Variants in MUC4 observed in about 807,000 individuals in gnomAD.
MUC4 encodes mucin 4, cell surface associated.
A neutral mutation model predicts 257.9 loss-of-function variants in MUC4; 202 were observed. That is an observed-to-expected ratio of 0.78 (90% CI 0.70 to 0.88). The LOEUF (loss-of-function observed/expected upper bound fraction) is 0.88, where lower values mean the gene tolerates loss of function less well. Among genes scored for constraint, MUC4 ranks in the 40% least tolerant of loss-of-function variants. MUC4 has a pLI of 0.00. For missense variants in MUC4, 5,976 were observed against 6,513.7 expected (o/e 0.92, Z 2.84); for synonymous variants, 2,351 against 2,757.1 (o/e 0.85, Z 4.62).
At position 195,790,388 on chromosome 3, in the gene MUC4, T is replaced by C. The variant is rs1277684243; in HGVS notation, c.1192A>G (p.Thr398Ala). 26 of 1,613,638 alleles carry C rather than the reference T, an allele frequency of 1.6e-5. No individual in the cohort carries two copies. The highest frequency in any genetic ancestry group is 1.2e-4 in the African/African-American group (9 of 74,900). ...LVTSKVFRMP[T>A]SRDSTLGNTE... Reference sequence around the variant, plus strand: ...TTTCCAAGAGTAGAGTCTCTGGAGGTTGGCATTCTGAACACCTTTGATGTT... The same window carrying C: ...TTTCCAAGAGTAGAGTCTCTGGAGGCTGGCATTCTGAACACCTTTGATGTT... The change falls in exon 2 of 25, where the codon ACC becomes GCC. Residue 398 changes from threonine to alanine, a missense_variant. Transcript: ENST00000463781.
intron 3 of MUC4, among the ~76,000 whole-genome samples, chr3:195,775,485 C>T (rs1158886537): frequency 1.9e-4 from 16 of 83,148 alleles, no homozygotes; most frequent in South Asian, 4.2e-4. Context: ...CCTTCCACAC[C>T]CATACCTTCC....
In MUC4 at chr3:195,783,058, G is replaced by T; in HGVS notation, c.8522C>A (p.Ala2841Glu). Residue 2841 changes from alanine to glutamate, a missense_variant, in exon 2 of 25, where the codon GCA becomes GAA. Physicochemically the swap from Ala to Glu is moderately radical, Grantham distance 107 (BLOSUM62 -1). Transcript: ENST00000463781. ...TSLPVTIPSS[A>E]SSGHTTPLPV... ...AAGAGGGGTGGTGTGACCTGAGGATGCTGAGGAAGGGATGGTGACAGGAAG... is the reference window on the plus strand; with the variant it reads ...AAGAGGGGTGGTGTGACCTGAGGATTCTGAGGAAGGGATGGTGACAGGAAG... 6.2e-6 allele frequency: 5 copies of T among 800,588 alleles called. No homozygotes were observed. The highest frequency in any genetic ancestry group is 8.7e-6 in the Non-Finnish European group (5 of 573,638). The allele number at this position is 800,588 out of a possible 1,614,324, so 49.6% of individuals were successfully genotyped here. A position where few individuals can be genotyped will look rare whatever the true frequency, so the allele number is the denominator to read the frequency against.
intron 1 of MUC4, among the ~76,000 whole-genome samples, chr3:195,799,911 C>T (rs768201920): frequency 3.9e-4 from 60 of 152,304 alleles, no homozygotes; most frequent in Non-Finnish European, 4.0e-4. Flanking sequence ...CCCCATATCC[C>T]TAGCCTGTGA....
At position 195,783,847 on chromosome 3, in the gene MUC4, G is replaced by A. The variant is rs80005560; in HGVS notation, c.7733C>T (p.Pro2578Leu). Residue 2578 changes from proline to leucine, a missense_variant, in exon 2 of 25, where the codon CCT (proline) becomes CTT (leucine). Physicochemically the swap from Pro to Leu is moderately conservative, Grantham distance 98 (BLOSUM62 -3). Around this residue, in one of 44 missense-constraint regions of MUC4, gnomAD observed 135 missense variants for 114.7 expected, o/e 1.18. Transcript: ENST00000463781. ...AASTGHATPL[P>L]VTSTSSASTG... ...GGATGCTGAGGAAGTGCTGGTGACAGGAAGAGGGGTGGCGTGACCTGTGGA... is the reference window on the plus strand; with the variant it reads ...GGATGCTGAGGAAGTGCTGGTGACAAGAAGAGGGGTGGCGTGACCTGTGGA... 3.2e-5 allele frequency: 37 copies of A among 1,158,362 alleles called. 2 individuals carry two copies. The highest frequency in any genetic ancestry group is 2.2e-4 in the East Asian group (8 of 36,180). 71.8% of individuals were successfully genotyped at this position (1,158,362 alleles called of 1,614,324 possible).
At chr3:195,803,270 G>A (rs1735577592) in intron 1 of MUC4, among the ~76,000 whole-genome samples, 1 of 152,216 alleles carries the variant, frequency 6.6e-6, no homozygotes, top group Non-Finnish European at 1.5e-5. Flanking sequence ...TGCGGACACA[G>A]GACTCAGCCC....
Position 195,790,283 on chromosome 3 carries a change from T to G in MUC4, c.1297A>C (p.Thr433Pro), listed in dbSNP as rs777709928. Residue 433 changes from threonine (T) to proline (P), a missense_variant, in exon 2 of 25, where the codon ACT (threonine) becomes CCT (proline). By Grantham distance (38) the Thr-to-Pro change is conservative (BLOSUM62 -1). Coordinates refer to ENST00000463781, the MANE Select transcript of MUC4 (RefSeq NM_018406.7). ...CTGGGGGAGAGTGCTGTTGACAGAG[T>G]GTCTGACCACCATATGGTTGAAACT... The part of the protein sequence containing the change: ...SKVSTIWWSD[T>P]LSTALSPSSL... The G allele has an allele frequency of 1.4e-5, 22 of 1,613,824 alleles. No individual in the cohort carries two copies. The African/African-American group carries it at 2.3e-4, about 17-fold the overall frequency.
intron 2 of MUC4, 71 bp from the exon 3 acceptor site, chr3:195,778,526 G>T (rs1725544078): frequency 6.3e-7 from 1 of 1,576,204 alleles, no homozygotes; most frequent in Non-Finnish European, 8.6e-7. Flanking sequence ...GAGATTCAAA[G>T]AAATCAGGAG....
At chr3:195,775,207 C>G (rs994328909) in intron 3 of MUC4, among the ~76,000 whole-genome samples, 2 of 152,102 alleles carry the variant, frequency 1.3e-5, no homozygotes. Flanking sequence ...TTGTTAAATG[C>G]CATTTGTACA....
chr3:195,771,627 G>A, intron 5 of MUC4, 25 bp downstream of exon 5: 1 of 1,603,792 alleles, frequency 6.2e-7, no homozygotes, highest in South Asian at 1.1e-5. Flanking sequence ...GGGGGATCCT[G>A]ACTGCCAGGC....
intron 14 of MUC4, 133 bp downstream of exon 14, chr3:195,761,954 C>G: frequency 8.9e-7 from 1 of 1,128,510 alleles, no homozygotes; most frequent in South Asian, 1.6e-5. Context: ...CCGGCCCGCT[C>G]TGTGCCCCAA....
rs1253574131 is a variant in MUC4, at chr3:195,766,643, T to A, written c.13618+20A>T. 1 of 1,610,890 alleles carries A rather than the reference T, an allele frequency of 6.2e-7. No individual in the cohort carries two copies. The highest frequency in any genetic ancestry group is 8.5e-7 in the Non-Finnish European group (1 of 1,177,058). On this transcript the variant is annotated intron_variant, in intron 8 of 24. Coordinates refer to ENST00000463781, the MANE Select transcript of MUC4 (RefSeq NM_018406.7). ...CGAGGGCTTGAGACCAGCTCAGGTG[T>A]GATAAGGTGGCACTTTTACCTGAGT... is the stretch of plus-strand genomic sequence containing the variant.
At chr3:195,754,404 G>A (rs1370416992) in intron 18 of MUC4, 32 bp from the exon 19 acceptor site, 1 of 1,583,946 alleles carries the variant, frequency 6.3e-7, no homozygotes, top group Non-Finnish European at 8.6e-7. Context: ...CGGGCGGCCA[G>A]GAGACCAAAC....
Position 195,790,532 on chromosome 3 carries a change from A to T in MUC4, c.1048T>A (p.Ser350Thr). The change falls in exon 2 of 25, where the codon TCA becomes ACA. Residue 350 changes from serine (S) to threonine (T), a missense_variant. Coordinates refer to ENST00000463781, the MANE Select transcript of MUC4 (RefSeq NM_018406.7). ...CCACTTGGTGAGGATAAAACAGTTG[A>T]TGTTGTAACCGGTGTGAGGGTGTTG... ...TLNTLTPVTT[S>T]TVLSSPSGFN... is the part of the protein sequence containing the mutation. 4 of 1,613,982 alleles carry T rather than the reference A, an allele frequency of 2.5e-6. No individual in the cohort carries two copies. Among genetic ancestry groups the T allele is most frequent in the Non-Finnish European group, 3.4e-6 (4 of 1,179,872 alleles).
Position 195,779,213 on chromosome 3 carries a change from T to A in MUC4, c.12367A>T (p.Thr4123Ser), listed in dbSNP as rs1396016922. Residue 4123 changes from threonine (T) to serine (S), a missense_variant, in exon 2 of 25, where the codon ACA (threonine) becomes TCA (serine). Around this residue, in one of 44 missense-constraint regions of MUC4, gnomAD observed 293 missense variants for 294.5 expected, o/e 1.00. Coordinates refer to ENST00000463781, the MANE Select transcript of MUC4 (RefSeq NM_018406.7). ...LPVTDTSSAS[T>S]GQATPLPVTS... The stretch of plus-strand genomic sequence containing the variant: ...ACAGGAAGAGGGGTGGCCTGACCTG[T>A]GGATGCAGAGGAAGTGTCGGTGACA... The A allele has an allele frequency of 1.0e-5, 13 of 1,294,218 alleles. 3 individuals are homozygous for A. Among genetic ancestry groups the A allele is most frequent in the African/African-American group, 7.2e-5 (3 of 41,494 alleles). The allele number at this position is 1,294,218 out of a possible 1,614,324, so 80.2% of individuals were successfully genotyped here. A position where few individuals can be genotyped will look rare whatever the true frequency, so the allele number is the denominator to read the frequency against.
At chr3:195,767,703 T>TCACC (rs1560263757) in intron 7 of MUC4, among the ~76,000 whole-genome samples, 1 of 1,222 alleles carries the variant, frequency 8.2e-4, no homozygotes. Context: ...CCCCAAAAAA[T>TCACC]ACCACCATCG....
At chr3:195,772,769 C>G (rs1342699479) in intron 4 of MUC4, among the ~76,000 whole-genome samples, 1 of 139,946 alleles carries the variant, frequency 7.1e-6, no homozygotes, top group African/African-American at 2.6e-5. Flanking sequence ...CACCCCCTCT[C>G]CATCGCTCAG....
At position 195,754,276 on chromosome 3, in the gene MUC4, C is replaced by G; in HGVS notation, c.15265G>C (p.Val5089Leu). 1.9e-6 allele frequency: 3 copies of G among 1,614,006 alleles called. No individual in the cohort carries two copies. Among genetic ancestry groups the G allele is most frequent in the Non-Finnish European group, 2.5e-6 (3 of 1,180,000 alleles). The change falls in exon 19 of 25, where the codon GTT becomes CTT. Residue 5089 changes from valine to leucine, a missense_variant. Coordinates refer to ENST00000463781, the MANE Select transcript of MUC4 (RefSeq NM_018406.7). ...CAGGCCTCGCAGCCCTTCCCAGGAA[C>G]GCAGTGGACACTCGGGAAGCACGGC... ...EEPCFPSVHC[V>L]PGKGCEACPP...
chr3:195,778,592 C>G lies in MUC4; in HGVS notation c.12791-137G>C, dbSNP rs1725569686. On this transcript the variant is annotated intron_variant, in intron 2 of 24. Transcript: ENST00000463781. ...CTCCCCTGCTCATATCCAAACTACT[C>G]TCGACATCAGTGCTTTTCGATTGCG... The G allele has an allele frequency of 4.2e-5, 56 of 1,322,130 alleles. No individual in the cohort carries two copies. In the South Asian group the frequency reaches 8.1e-4, roughly 19 times the overall value. The allele number at this position is 1,322,130 out of a possible 1,614,324, so 81.9% of individuals were successfully genotyped here. A position where few individuals can be genotyped will look rare whatever the true frequency, so the allele number is the denominator to read the frequency against.
At chr3:195,773,871 C>A (rs1189247338) in intron 4 of MUC4, among the ~76,000 whole-genome samples, 2 of 152,230 alleles carry the variant, frequency 1.3e-5, no homozygotes, top group Non-Finnish European at 2.9e-5. Context: ...GAGGCAGGGA[C>A]CAGGGGGCCA....
Sources: allele counts gnomAD v4.1 joint callset (sites outside exome capture counted in the v4.1 genomes callset), GRCh38; gene constraint gnomAD v4.1.1; regional missense constraint gnomAD v4.1.1; transcripts MANE v1.5; gene names NCBI Gene and HGNC (gene_info 2026-07-23, HGNC 2026-07-21).